The following WDR17 variants were observed in gnomAD, a reference collection of about 807,000 sequenced individuals.
WDR17 encodes WD repeat-containing protein 17.
A neutral mutation model predicts 161.7 loss-of-function variants in WDR17; 143 were observed. That is an observed-to-expected ratio of 0.88 (90% CI 0.77 to 1.02). The LOEUF (loss-of-function observed/expected upper bound fraction) is 1.02. Ranked by LOEUF, WDR17 falls within the 50% of genes least tolerant of loss-of-function variation. The pLI, the probability that WDR17 is intolerant of heterozygous loss-of-function variation, is 0.00. For synonymous variants in WDR17, 517 were observed against 515.6 expected, an observed-to-expected ratio of 1.00 and a Z score of -0.04; for missense variants, 1,469 against 1,520.9, an observed-to-expected ratio of 0.97 and a Z score of 0.57.
At chr4:176,155,429 C>G (rs1017986745) in intron 17 of WDR17, among the ~76,000 whole-genome samples, 1 of 151,366 alleles carries the variant, frequency 6.6e-6, no homozygotes, top group African/African-American at 2.4e-5. Context: ...GTTCAAGATA[C>G]TTTTGTAAGT....
chr4:176,148,238 G>C lies in WDR17; in HGVS notation c.1800G>C (p.Leu600=), dbSNP rs183328957. 1,153 of 1,613,974 alleles carry C rather than the reference G, an allele frequency of 7.1e-4. 15 individuals carry two copies. The highest frequency in any genetic ancestry group is 1.8e-4 in the East Asian group (8 of 44,840). The change falls in exon 13 of 29, where the codon CTG becomes CTC. Residue 600 remains leucine (L), a synonymous_variant. Coordinates refer to ENST00000508596, the MANE Select transcript of WDR17 (RefSeq NM_181265.4). The stretch of plus-strand genomic sequence containing the variant: ...TGTGGAATACTGAGATTCCATATCT[G>C]CTCATATCTGGCAGCTGGGACTATA... The part of the protein sequence containing the change: ...GLMWNTEIPY[L]LISGSWDYTI...
At chr4:176,083,410 C>A (rs1044081252) in intron 1 of WDR17, among the ~76,000 whole-genome samples, 1 of 152,096 alleles carries the variant, frequency 6.6e-6, no homozygotes, top group Non-Finnish European at 1.5e-5. Context: ...AAGGATACCA[C>A]TAGCAGAATA....
intron 1 of WDR17, among the ~76,000 whole-genome samples, chr4:176,079,368 T>G (rs2126585107): frequency 6.6e-6 from 1 of 152,274 alleles, no homozygotes; most frequent in Admixed American, 6.5e-5. Flanking sequence ...TCTGATTTCC[T>G]TTTGTCATGG....
intron 1 of WDR17, among the ~76,000 whole-genome samples, chr4:176,087,966 T>C (rs999103913): frequency 4.6e-5 from 7 of 151,964 alleles, no homozygotes. Context: ...GCCTCGGCCT[T>C]CTGAGTAGCT....
intron 1 of WDR17, among the ~76,000 whole-genome samples, chr4:176,076,214 AATATATATATATATATATATATAT>A (rs1219401869): frequency 8.7e-4 from 54 of 62,270 alleles, no homozygotes; most frequent in African/African-American, 2.4e-3. Flanking sequence ...TTACATATAT[AATATATATATATATATATATATAT>A]ATATATATAT....
chr4:176,174,943 T>C (rs1213633590), intron 26 of WDR17, among the ~76,000 whole-genome samples: 1 of 152,246 alleles, frequency 6.6e-6, no homozygotes, highest in Admixed American at 6.5e-5. Flanking sequence ...TATTGATCTT[T>C]CATGTCAAGA....
At chr4:176,161,925 T>A (rs1579231225) in intron 20 of WDR17, 150 bp from the exon 21 acceptor site, 2 of 584,390 alleles carry the variant, frequency 3.4e-6, no homozygotes, top group East Asian at 6.7e-5. Flanking sequence ...ACCACTTTCC[T>A]GATTTATTTT....
intron 4 of WDR17, 132 bp from the exon 5 acceptor site, chr4:176,124,972 G>T (rs931782359): frequency 5.0e-6 from 5 of 1,008,700 alleles, no homozygotes; most frequent in Admixed American, 5.4e-5. Context: ...TACGCCTTCT[G>T]CATATAAGCA....
At chr4:176,161,810 T>C (rs1749072842) in intron 20 of WDR17, among the ~76,000 whole-genome samples, 1 of 152,306 alleles carries the variant, frequency 6.6e-6, no homozygotes, top group Non-Finnish European at 1.5e-5. Context: ...GGCTGAATCA[T>C]AAATTGTCCA....
intron 1 of WDR17, among the ~76,000 whole-genome samples, chr4:176,105,510 C>T (rs956886163): frequency 5.9e-5 from 9 of 151,770 alleles, no homozygotes; most frequent in African/African-American, 2.2e-4. Flanking sequence ...AGTTATCATA[C>T]ATTATGTCTT....
chr4:176,112,217 GAT>G (rs1459722189), intron 2 of WDR17, among the ~76,000 whole-genome samples: 1 of 152,132 alleles, frequency 6.6e-6, no homozygotes, highest in Non-Finnish European at 1.5e-5. Context: ...CCAGAAATGT[GAT>G]AGTTATCTTT....
rs1752126769 is a variant in WDR17, at chr4:176,181,262, A to G, written c.*1683A>G. 6.6e-6 allele frequency: 1 copy of G among 152,210 alleles called. No individual in the cohort carries two copies. The allele number at this position is 152,210 out of a possible 1,614,324, so 9.4% of individuals were successfully genotyped here. On this transcript the variant is annotated 3_prime_UTR_variant, in exon 29 of 29. Coordinates refer to ENST00000508596, the MANE Select transcript of WDR17 (RefSeq NM_181265.4). ...GATGGGCAGATCTTGAGGTCGGTAGATGGAGACCATCCTGGCCAACATGGT... is the reference window on the plus strand; with the variant it reads ...GATGGGCAGATCTTGAGGTCGGTAGGTGGAGACCATCCTGGCCAACATGGT...
chr4:176,174,404 C>T (rs1040031235), intron 25 of WDR17, among the ~76,000 whole-genome samples: 2 of 152,032 alleles, frequency 1.3e-5, no homozygotes, highest in African/African-American at 4.8e-5. Context: ...TTTAAATATG[C>T]TTATTTTATA....
In WDR17 at chr4:176,151,917, A is replaced by C; in HGVS notation, c.2410A>C (p.Arg804=). The C allele has an allele frequency of 6.2e-7, 1 of 1,613,338 alleles. No individual in the cohort carries two copies. Among genetic ancestry groups the C allele is most frequent in the Non-Finnish European group, 8.5e-7 (1 of 1,179,782 alleles). Residue 804 remains arginine, a synonymous_variant, in exon 17 of 29, where the codon AGA becomes CGA. Transcript: ENST00000508596. ...RLKEAAEIHL[R]LGQIQRYCEL... The stretch of plus-strand genomic sequence containing the variant: ...GAAGGAAGCTGCTGAAATCCACTTG[A>C]GATTAGGACAAATTCAGAGATACTG...
chr4:176,163,679 C>T (rs1405854739), intron 22 of WDR17, among the ~76,000 whole-genome samples: 2 of 152,114 alleles, frequency 1.3e-5, no homozygotes, highest in Non-Finnish European at 2.9e-5. Context: ...AATAAAGTCA[C>T]TTATATAAAG....
chr4:176,099,675 A>G lies in WDR17; in HGVS notation c.-6-11900A>G, dbSNP rs562589101. Among the ~76,000 whole-genome samples the G allele has an allele frequency of 2.6e-5, 4 of 152,242 alleles. No individual in the cohort carries two copies. In the South Asian group the frequency reaches 8.3e-4, roughly 32 times the overall value. On this transcript the variant is annotated intron_variant, in intron 1 of 28. Coordinates refer to ENST00000508596, the MANE Select transcript of WDR17 (RefSeq NM_181265.4). ...GCACAGTGATCAAATCAGGGCTTTTAGGGTATCCATCACCTGAATAATGTA... is the reference window on the plus strand; with the variant it reads ...GCACAGTGATCAAATCAGGGCTTTTGGGGTATCCATCACCTGAATAATGTA...
At chr4:176,161,548 C>A (rs944164881) in intron 20 of WDR17, among the ~76,000 whole-genome samples, 1 of 151,864 alleles carries the variant, frequency 6.6e-6, no homozygotes, top group African/African-American at 2.4e-5. Flanking sequence ...TCTATTTGCT[C>A]CTATTATTAA....
At chr4:176,079,917 C>T (rs1474709679) in intron 1 of WDR17, among the ~76,000 whole-genome samples, 3 of 151,976 alleles carry the variant, frequency 2.0e-5, no homozygotes, top group Non-Finnish European at 4.4e-5. Flanking sequence ...CCACCACTTC[C>T]CCTCCCATGA....
chr4:176,105,351 A>G (rs1329236992), intron 1 of WDR17, among the ~76,000 whole-genome samples: 1 of 152,210 alleles, frequency 6.6e-6, no homozygotes, highest in East Asian at 1.9e-4. Context: ...GGACTCAAAC[A>G]ATATATTAAT....
Sources: allele counts gnomAD v4.1 joint callset (sites outside exome capture counted in the v4.1 genomes callset), GRCh38; gene constraint gnomAD v4.1.1; transcripts MANE v1.5; gene names NCBI Gene and HGNC (gene_info 2026-07-23, HGNC 2026-07-21).